Variants in SAMMSON observed in about 807,000 individuals in gnomAD.
SAMMSON encodes survival associated mitochondrial melanoma specific oncogenic non-coding RNA.
chr3:70,153,118 A>G (rs2067578417), intron 4 of SAMMSON, among the ~76,000 whole-genome samples: 1 of 151,906 alleles, frequency 6.6e-6, no homozygotes, highest in Non-Finnish European at 1.5e-5. Flanking sequence ...TTTTTCTCCC[A>G]AGGAAATGAT....
At chr3:70,382,081 T>C (rs988001491) in intron 9 of SAMMSON, among the ~76,000 whole-genome samples, 16 of 152,132 alleles carry the variant, frequency 1.1e-4, no homozygotes, top group Middle Eastern at 3.2e-3. Flanking sequence ...TGTTTAAGAT[T>C]TGTCTTTTTA....
chr3:70,196,077 T>A (rs1262412380), intron 4 of SAMMSON, among the ~76,000 whole-genome samples: 1 of 152,226 alleles, frequency 6.6e-6, no homozygotes, highest in Non-Finnish European at 1.5e-5. Flanking sequence ...TAAAATGAGC[T>A]GAATCTGTTT....
At chr3:70,385,526 G>A (rs1466727258) in intron 9 of SAMMSON, among the ~76,000 whole-genome samples, 1 of 152,068 alleles carries the variant, frequency 6.6e-6, no homozygotes, top group African/African-American at 2.4e-5. Flanking sequence ...CACTCTGCTA[G>A]GCTGTGTGGG....
intron 2 of SAMMSON, among the ~76,000 whole-genome samples, chr3:70,408,058 C>T (rs35502096): frequency 0.48 from 72,556 of 152,158 alleles, 18,061 homozygotes; most frequent in Non-Finnish European, 0.56. Flanking sequence ...TCTGAAGCCA[C>T]GGCCCAAGCT....
rs553732336 is a variant in SAMMSON at position 70,015,889 on chromosome 3, G to A, written n.417+2217G>A. On this transcript the variant is annotated intron_variant and non_coding_transcript_variant, in intron 3 of 9. Transcript: ENST00000642114. ...TCATCCGTGTCCCTACAAAGGACAT[G>A]AACTCATCGTTTTTTATGGCTGCGT... 6.9e-4 allele frequency among the ~76,000 whole-genome samples: 105 copies of A among 152,224 alleles called. 2 individuals are homozygous for A. The highest frequency in any genetic ancestry group is 2.4e-3 in the African/African-American group (100 of 41,514).
intron 4 of SAMMSON, among the ~76,000 whole-genome samples, chr3:70,214,557 G>C (rs1012607815): frequency 1.3e-5 from 2 of 150,866 alleles, no homozygotes; most frequent in Non-Finnish European, 2.9e-5. Flanking sequence ...CCCTCCCCAA[G>C]CTTCCCCAAC....
chr3:70,068,622 G>A (rs2067218814), intron 3 of SAMMSON: 1 of 152,078 alleles, frequency 6.6e-6, no homozygotes, highest in South Asian at 2.1e-4. Flanking sequence ...CCCACACAGA[G>A]TGCTACATCT....
At chr3:70,269,975 G>A (rs867316188) in intron 6 of SAMMSON, among the ~76,000 whole-genome samples, 3 of 152,090 alleles carry the variant, frequency 2.0e-5, no homozygotes, top group South Asian at 2.1e-4. Flanking sequence ...CAAATAAAGA[G>A]AAGGAAGGGA....
At chr3:70,423,708 A>G (rs1320698962) in intron 2 of SAMMSON, among the ~76,000 whole-genome samples, 2 of 152,220 alleles carry the variant, frequency 1.3e-5, no homozygotes, top group African/African-American at 4.8e-5. Context: ...CTAATTGTGT[A>G]GGACTTCTTG....
chr3:70,158,521 G>A (rs2067601147), intron 4 of SAMMSON, among the ~76,000 whole-genome samples: 2 of 151,178 alleles, frequency 1.3e-5, no homozygotes, highest in African/African-American at 4.9e-5. Context: ...GAACATTCAT[G>A]TTCAAGTCTT....
At chr3:70,295,379 C>A (rs574316186) in intron 7 of SAMMSON, among the ~76,000 whole-genome samples, 3 of 152,096 alleles carry the variant, frequency 2.0e-5, no homozygotes, top group Non-Finnish European at 4.4e-5. Flanking sequence ...AAACTCAACC[C>A]TTTGACTGAA....
intron 6 of SAMMSON, among the ~76,000 whole-genome samples, chr3:70,263,282 G>T (rs900343134): frequency 6.6e-6 from 1 of 151,492 alleles, no homozygotes; most frequent in African/African-American, 2.4e-5. Flanking sequence ...TCGAGTGCTG[G>T]TTTTTAAAAA....
chr3:70,103,155 G>A (rs910986211), intron 4 of SAMMSON, among the ~76,000 whole-genome samples: 4 of 152,146 alleles, frequency 2.6e-5, no homozygotes, highest in Non-Finnish European at 4.4e-5. Flanking sequence ...GTGCTGGAAT[G>A]CAGGCCCACG....
At chr3:70,318,780 G>A (rs1205452464) in intron 7 of SAMMSON, among the ~76,000 whole-genome samples, 1 of 151,992 alleles carries the variant, frequency 6.6e-6, no homozygotes, top group African/African-American at 2.4e-5. Flanking sequence ...GTCATAGCAA[G>A]TAGTTAAATT....
In SAMMSON at chr3:70,191,144, A is replaced by C. The variant is rs1576148990; in HGVS notation, n.508-57963A>C. Reference sequence around the variant, plus strand: ...GAGGAACCATAGGCAGAAAGTGCTGAAAGAGGAAACAAAGAGGATGTTGGG... The same window carrying C: ...GAGGAACCATAGGCAGAAAGTGCTGCAAGAGGAAACAAAGAGGATGTTGGG... On this transcript the variant is annotated intron_variant and non_coding_transcript_variant, in intron 4 of 9. Coordinates refer to ENST00000642114, the Ensembl canonical transcript of SAMMSON. Among the ~76,000 whole-genome samples, 4 of 152,340 alleles carry C rather than the reference A, an allele frequency of 2.6e-5. No homozygotes were observed. The East Asian group carries it at 7.7e-4, about 29-fold the overall frequency.
chr3:70,068,278 T>C (rs2067217727), intron 3 of SAMMSON: 1 of 152,110 alleles, frequency 6.6e-6, no homozygotes, highest in African/African-American at 2.4e-5. Context: ...CAACCATTTC[T>C]GAGACCACAA....
intron 4 of SAMMSON, among the ~76,000 whole-genome samples, chr3:70,168,803 C>A (rs572817366): frequency 3.4e-4 from 51 of 152,018 alleles, no homozygotes; most frequent in African/African-American, 1.2e-3. Context: ...ATTGTAATTT[C>A]TTGTACTATT....
At chr3:70,286,224 T>G (rs1702161148) in intron 6 of SAMMSON, among the ~76,000 whole-genome samples, 1 of 152,224 alleles carries the variant, frequency 6.6e-6, no homozygotes, top group Non-Finnish European at 1.5e-5. Context: ...CCATCTTGAA[T>G]TAATTTTTGT....
At chr3:70,087,030 AC>A (rs1287256110) in intron 4 of SAMMSON, among the ~76,000 whole-genome samples, 4 of 151,928 alleles carry the variant, frequency 2.6e-5, no homozygotes, top group Non-Finnish European at 5.9e-5. Flanking sequence ...GCACCATATA[AC>A]CCCTTTCTGA....
Sources: allele counts gnomAD v4.1 joint callset (sites outside exome capture counted in the v4.1 genomes callset), GRCh38; gene constraint gnomAD v4.1.1; transcripts MANE v1.5; gene names NCBI Gene and HGNC (gene_info 2026-07-23, HGNC 2026-07-21).